The following THSD4 variants were observed in gnomAD, a reference collection of about 807,000 sequenced individuals.
THSD4 encodes thrombospondin type-1 domain-containing protein 4.
Under a neutral mutation model 119.0 loss-of-function variants are expected in THSD4, and 69 were observed. The ratio of observed to expected loss-of-function variants is 0.58; its 90% CI spans 0.48 to 0.71. THSD4 has a LOEUF of 0.71. Among genes scored for constraint, THSD4 ranks in the 30% least tolerant of loss-of-function variants. The probability of loss-of-function intolerance (pLI) is 0.00; values close to 1 mark genes in which losing one functional copy is unlikely to be tolerated. For synonymous variants in THSD4, 524 were observed against 540.4 expected (o/e 0.97, Z 0.42); for missense variants, 1,393 against 1,391.1 (o/e 1.00, Z -0.02).
intron 8 of THSD4, among the ~76,000 whole-genome samples, chr15:71,718,460 C>T (rs1027941617): frequency 1.3e-5 from 2 of 152,124 alleles, no homozygotes; most frequent in Non-Finnish European, 2.9e-5. Context: ...ATGGTAGGTA[C>T]GTGAGAACTG....
intron 8 of THSD4, among the ~76,000 whole-genome samples, chr15:71,690,525 C>T (rs539434669): frequency 3.9e-5 from 6 of 152,304 alleles, no homozygotes; most frequent in African/African-American, 1.4e-4. Flanking sequence ...AATGGCCCCC[C>T]AAAGTTGTCC....
intron 7 of THSD4, among the ~76,000 whole-genome samples, chr15:71,485,568 C>T (rs995503715): frequency 1.3e-5 from 2 of 152,100 alleles, no homozygotes; most frequent in African/African-American, 4.8e-5. Context: ...TGTTACCAGC[C>T]TTGCTGGGCA....
At chr15:71,317,188 G>A (rs1286038752) in intron 6 of THSD4, among the ~76,000 whole-genome samples, 1 of 152,204 alleles carries the variant, frequency 6.6e-6, no homozygotes, top group African/African-American at 2.4e-5. Context: ...GTGATGGAGA[G>A]CATTAGAAGT....
At chr15:71,539,252 G>A (rs1355274262) in intron 7 of THSD4, among the ~76,000 whole-genome samples, 1 of 152,198 alleles carries the variant, frequency 6.6e-6, no homozygotes, top group South Asian at 2.1e-4. Flanking sequence ...ACTAACACCT[G>A]CTTCTGCTTC....
At chr15:71,584,337 G>A (rs771512578) in intron 7 of THSD4, among the ~76,000 whole-genome samples, 9 of 137,366 alleles carry the variant, frequency 6.6e-5, no homozygotes, top group Non-Finnish European at 1.1e-4. Flanking sequence ...GCATGATCTC[G>A]GCTCACTGCA....
At chr15:71,406,854 AT>A (rs113962891) in intron 6 of THSD4, among the ~76,000 whole-genome samples, 19 of 150,482 alleles carry the variant, frequency 1.3e-4, no homozygotes, top group East Asian at 1.2e-3. Flanking sequence ...TAATTTTTGT[AT>A]TTTTTTTTAA....
chr15:71,155,051 C>G (rs542376265), intron 3 of THSD4, 119 bp downstream of exon 3: 2 of 913,960 alleles, frequency 2.2e-6, no homozygotes, highest in African/African-American at 1.6e-5. Context: ...AAAGGAAGCA[C>G]CATTTACAGA....
At chr15:71,153,088 C>T (rs2040740863) in intron 2 of THSD4, among the ~76,000 whole-genome samples, 1 of 152,124 alleles carries the variant, frequency 6.6e-6, no homozygotes, top group Admixed American at 6.5e-5. Flanking sequence ...TAGGGTTTGG[C>T]CTTTAGATGT....
At chr15:71,628,900 A>G (rs2050560664) in intron 7 of THSD4, among the ~76,000 whole-genome samples, 1 of 152,214 alleles carries the variant, frequency 6.6e-6, no homozygotes, top group South Asian at 2.1e-4. Flanking sequence ...TGACAGAAAT[A>G]TGGTTGGTCA....
At chr15:71,382,476 CA>C (rs2046240842) in intron 6 of THSD4, among the ~76,000 whole-genome samples, 1 of 152,166 alleles carries the variant, frequency 6.6e-6, no homozygotes, top group African/African-American at 2.4e-5. Flanking sequence ...GCATCTTCCA[CA>C]AACCTTCTAC....
chr15:71,753,981 A>C (rs1193991766), intron 14 of THSD4, among the ~76,000 whole-genome samples: 1 of 152,228 alleles, frequency 6.6e-6, no homozygotes, highest in East Asian at 1.9e-4. Context: ...TTTTGAAAGC[A>C]GAAAATTAAG....
intron 7 of THSD4, among the ~76,000 whole-genome samples, chr15:71,625,968 T>G (rs1198278287): frequency 6.6e-6 from 1 of 152,226 alleles, no homozygotes; most frequent in Non-Finnish European, 1.5e-5. Context: ...GTTTTGTCAT[T>G]CAAAATTGTG....
rs1032159019 is a variant in THSD4, at chr15:71,738,365, T to C, written c.1906+358T>C. 63 of 217,670 alleles carry C rather than the reference T, an allele frequency of 2.9e-4. 2 individuals are homozygous for C. Among genetic ancestry groups the C allele is most frequent in the Admixed American group, 1.6e-4 (3 of 18,848 alleles). The allele number at this position is 217,670 out of a possible 1,614,324, so 13.5% of individuals were successfully genotyped here. On this transcript the variant is annotated intron_variant, in intron 11 of 17. Transcript: ENST00000261862. ...CTAACAGGCCATGGACTGGTGTCGA[T>C]TGGGGGCCCCTGGCCCAAGGGAAAT...
intron 8 of THSD4, among the ~76,000 whole-genome samples, chr15:71,664,426 GA>G (rs2051375455): frequency 6.6e-6 from 1 of 150,566 alleles, no homozygotes; most frequent in Non-Finnish European, 1.5e-5. Context: ...AGTAACAATA[GA>G]AAATAGATTT....
chr15:71,621,448 T>C (rs2050416980), intron 7 of THSD4, among the ~76,000 whole-genome samples: 1 of 152,138 alleles, frequency 6.6e-6, no homozygotes, highest in Admixed American at 6.5e-5. Flanking sequence ...TTTATTCCAG[T>C]TATTTGTTGT....
intron 6 of THSD4, among the ~76,000 whole-genome samples, chr15:71,332,812 A>T (rs1170111829): frequency 6.6e-6 from 1 of 151,716 alleles, no homozygotes; most frequent in Middle Eastern, 3.4e-3. Flanking sequence ...AGCTTGTCCA[A>T]CCCGTGTCTT....
Position 71,518,550 on chromosome 15 carries a change from GATA to G in THSD4, c.1152+106735_1152+106737del, listed in dbSNP as rs548602483. 3.9e-5 allele frequency among the ~76,000 whole-genome samples: 6 copies of G among 152,258 alleles called. No homozygotes were observed. The East Asian group carries it at 1.2e-3, about 29-fold the overall frequency. On this transcript the variant is annotated intron_variant, in intron 7 of 17. Transcript: ENST00000261862. ...GTTTTAAGGTTTATGTTATCCTCTG[GATA>G]ATAATAACTATAATGATGTTTTGAG...
chr15:71,287,302 T>C (rs961886332), intron 6 of THSD4, among the ~76,000 whole-genome samples: 7 of 152,252 alleles, frequency 4.6e-5, no homozygotes, highest in Non-Finnish European at 1.0e-4. Context: ...TTCATCATGC[T>C]GTGTTAATAC....
At chr15:71,775,436 G>A (rs925770467) in intron 17 of THSD4, among the ~76,000 whole-genome samples, 13 of 152,278 alleles carry the variant, frequency 8.5e-5, no homozygotes, top group African/African-American at 3.1e-4. Flanking sequence ...TAAAGTTTAT[G>A]TGGTGGCTCA....
Sources: allele counts gnomAD v4.1 joint callset (sites outside exome capture counted in the v4.1 genomes callset), GRCh38; gene constraint gnomAD v4.1.1; transcripts MANE v1.5; gene names NCBI Gene and HGNC (gene_info 2026-07-23, HGNC 2026-07-21).